Variants in CFAP20DC observed in about 807,000 individuals in gnomAD.
CFAP20DC encodes the protein CFAP20 domain containing.
In CFAP20DC, 84 loss-of-function variants were observed where a neutral mutation model predicts 101.7. That is an observed-to-expected ratio of 0.83 (90% confidence interval 0.69 to 0.99). The LOEUF is 0.99. Ranked by LOEUF, CFAP20DC falls within the 50% of genes least tolerant of loss-of-function variation. The probability of loss-of-function intolerance (pLI) is 0.00; values close to 1 mark genes in which losing one functional copy is unlikely to be tolerated. For synonymous variants in CFAP20DC, 359 were observed against 351.2 expected (o/e 1.02, Z -0.25); for missense variants, 1,007 against 970.3 (o/e 1.04, Z -0.50).
chr3:58,813,809 T>A (rs1298706244), intron 14 of CFAP20DC, among the ~76,000 whole-genome samples: 1 of 151,902 alleles, frequency 6.6e-6, no homozygotes, highest in African/African-American at 2.4e-5. Context: ...TGAACCAATA[T>A]CAATGCATCA....
intron 14 of CFAP20DC, among the ~76,000 whole-genome samples, chr3:58,829,354 T>C (rs543167938): frequency 1.6e-4 from 24 of 150,938 alleles, no homozygotes; most frequent in African/African-American, 5.1e-4. Context: ...ATTATTGTGA[T>C]GAATAAAGTT....
chr3:58,764,180 C>T (rs1483059382), intron 15 of CFAP20DC, among the ~76,000 whole-genome samples: 1 of 152,188 alleles, frequency 6.6e-6, no homozygotes, highest in African/African-American at 2.4e-5. Context: ...GCAGTGGGCT[C>T]CACCCAGTTT....
downstream of CFAP20DC, among the ~76,000 whole-genome samples, chr3:58,741,164 CTCT>C (rs2067872660): frequency 1.3e-5 from 2 of 152,180 alleles, no homozygotes; most frequent in African/African-American, 2.4e-5. Flanking sequence ...TCCAATGGTA[CTCT>C]TCTTTATTAA....
rs2082497868 is a variant in CFAP20DC at position 58,894,368 on chromosome 3, CAGGTACCT to C, written c.551-9667_551-9660del. On this transcript the variant is annotated intron_variant, in intron 6 of 16. Transcript: ENST00000482387. The surrounding 1 kb of genome is among the most constrained non-coding windows in gnomAD (Gnocchi z 4.1). ...TTACTTCCTAGATACAACAGGGGTA[CAGGTACCT>C]ATTCCAAATGAGAGAAATTGGCAAA... is the stretch of plus-strand genomic sequence containing the variant. Among the ~76,000 whole-genome samples the C allele has an allele frequency of 6.6e-6, 1 of 152,182 alleles. No homozygotes were observed. Among genetic ancestry groups the C allele is most frequent in the African/African-American group, 2.4e-5 (1 of 41,458 alleles).
intron 5 of CFAP20DC, among the ~76,000 whole-genome samples, chr3:58,921,461 T>C (rs971980557): frequency 6.6e-6 from 1 of 152,116 alleles, no homozygotes; most frequent in Non-Finnish European, 1.5e-5. Context: ...TAAAATCAGC[T>C]ATACTGTTTT....
chr3:58,907,851 A>C (rs1056527907), intron 6 of CFAP20DC, among the ~76,000 whole-genome samples: 1 of 152,140 alleles, frequency 6.6e-6, no homozygotes, highest in African/African-American at 2.4e-5. Flanking sequence ...AGATGAAAGG[A>C]ATACGGGGTT....
chr3:59,033,060 G>A (rs1287685048), intron 4 of CFAP20DC, among the ~76,000 whole-genome samples: 1 of 152,090 alleles, frequency 6.6e-6, no homozygotes, highest in Non-Finnish European at 1.5e-5. Context: ...GGCAAACAGG[G>A]TCTGAAGTGG....
At chr3:58,784,427 A>G (rs1158747915) in intron 15 of CFAP20DC, among the ~76,000 whole-genome samples, 1 of 152,050 alleles carries the variant, frequency 6.6e-6, no homozygotes, top group African/African-American at 2.4e-5. Flanking sequence ...TATGCTCAGT[A>G]CCTGCGTAAT....
In CFAP20DC at chr3:58,751,867, A is replaced by ACACACACACACACACACAC. The variant is rs1553645550; in HGVS notation, c.2332+1901_2332+1902insGTGTGTGTGTGTGTGTGTG. Among the ~76,000 whole-genome samples, 396 of 136,220 alleles carry ACACACACACACACACACAC rather than the reference A, an allele frequency of 2.9e-3. 1 individual carries two copies. The highest frequency in any genetic ancestry group is 9.9e-3 in the African/African-American group (381 of 38,394). 89.4% of individuals were successfully genotyped at this position (136,220 alleles called of 152,430 possible). A position where few individuals can be genotyped will look rare whatever the true frequency, so the allele number is the denominator to read the frequency against. Reference sequence around the variant, plus strand: ...CACACACACACACACACACACACACAAAATTTCCTCCTGGTGGTGGTGTGA... The same window carrying ACACACACACACACACACAC: ...CACACACACACACACACACACACACACACACACACACACACACACAAATTTCCTCCTGGTGGTGGTGTGA... On this transcript the variant is annotated intron_variant, in intron 16 of 16. Transcript: ENST00000482387.
chr3:58,948,330 G>A (rs887072224), intron 4 of CFAP20DC, among the ~76,000 whole-genome samples: 1 of 152,190 alleles, frequency 6.6e-6, no homozygotes, highest in Non-Finnish European at 1.5e-5. Context: ...GAGTTGAAAT[G>A]CCAGCTCCTC....
chr3:58,981,804 C>T (rs1212212579), intron 4 of CFAP20DC, among the ~76,000 whole-genome samples: 2 of 152,112 alleles, frequency 1.3e-5, no homozygotes, highest in South Asian at 4.1e-4. Context: ...TGGGCAAGGA[C>T]TTCATGTCTA....
chr3:59,008,956 T>C (rs2093512903), intron 4 of CFAP20DC, among the ~76,000 whole-genome samples: 1 of 152,084 alleles, frequency 6.6e-6, no homozygotes, highest in Admixed American at 6.5e-5. Context: ...CCTGCCATTA[T>C]AACTCCACAG....
chr3:58,767,419 A>G (rs919731626), intron 15 of CFAP20DC, among the ~76,000 whole-genome samples: 1 of 152,196 alleles, frequency 6.6e-6, no homozygotes, highest in African/African-American at 2.4e-5. Context: ...AAAACTAAGA[A>G]AATTTGTGTT....
At chr3:59,016,348 T>G (rs2093689231) in intron 4 of CFAP20DC, among the ~76,000 whole-genome samples, 1 of 151,936 alleles carries the variant, frequency 6.6e-6, no homozygotes, top group Non-Finnish European at 1.5e-5. Flanking sequence ...AAATCTGAGC[T>G]CATGGAAACA....
At chr3:58,782,401 C>T (rs144358036) in intron 15 of CFAP20DC, among the ~76,000 whole-genome samples, 2,034 of 152,132 alleles carry the variant, frequency 0.013, 37 homozygotes, top group African/African-American at 0.045. Context: ...TTTACCACTC[C>T]TGTTCAACGT....
At chr3:58,809,848 C>G (rs1224729910) in intron 14 of CFAP20DC, among the ~76,000 whole-genome samples, 3 of 151,988 alleles carry the variant, frequency 2.0e-5, no homozygotes, top group South Asian at 2.1e-4. Flanking sequence ...CAAATAGACA[C>G]AATAAAAAAT....
intron 5 of CFAP20DC, among the ~76,000 whole-genome samples, chr3:58,921,776 T>C (rs547003976): frequency 1.6e-4 from 25 of 152,340 alleles, no homozygotes; most frequent in Middle Eastern, 3.4e-3. Context: ...TTAGTGATTG[T>C]CAATTTCTGA....
intron 3 of CFAP20DC, among the ~76,000 whole-genome samples, chr3:58,718,753 G>A (rs1297167519): frequency 6.6e-6 from 1 of 152,142 alleles, no homozygotes; most frequent in Non-Finnish European, 1.5e-5. Flanking sequence ...CCCTAACCTG[G>A]CATTGTGGAA....
At chr3:58,831,920 T>C (rs957480715) in intron 13 of CFAP20DC, 31 bp from the exon 14 acceptor site, 10 of 1,589,556 alleles carry the variant, frequency 6.3e-6, no homozygotes, top group Non-Finnish European at 6.9e-6. Flanking sequence ...TAACAAAGGG[T>C]CATTTGGCCT....
Sources: allele counts gnomAD v4.1 joint callset (sites outside exome capture counted in the v4.1 genomes callset), GRCh38; gene constraint gnomAD v4.1.1; non-coding constraint Gnocchi (gnomAD v3.1); transcripts MANE v1.5; gene names NCBI Gene and HGNC (gene_info 2026-07-23, HGNC 2026-07-21).